CAVIN4: variants seen among roughly 807,000 people sequenced by gnomAD.
The protein encoded by CAVIN4 is caveolae-associated protein 4.
In CAVIN4, 10 loss-of-function variants were observed where a neutral mutation model predicts 18.6. The ratio of observed to expected loss-of-function variants is 0.54; its 90% CI spans 0.33 to 0.91. The LOEUF is 0.91. Among genes scored for constraint, CAVIN4 ranks in the 40% least tolerant of loss-of-function variants. CAVIN4 has a pLI of 0.02. For synonymous variants in CAVIN4, 173 were observed against 164.8 expected (o/e 1.05, Z -0.38); for missense variants, 459 against 440.5 (o/e 1.04, Z -0.38).
rs1047771259 is a variant in CAVIN4, at chr9:100,578,549, C to T, written c.406C>T (p.Gln136Ter). ...KKNKFRVVIF[Q>*]EKFRCPTSLS... is the part of the protein sequence containing the mutation. Reference sequence around the variant, plus strand: ...AAACAAATTCCGCGTGGTAATATTCCAGGTAAGCTTGCACTTGTGTTCAGC... The same window carrying T: ...AAACAAATTCCGCGTGGTAATATTCTAGGTAAGCTTGCACTTGTGTTCAGC... The change falls in exon 1 of 2, where the codon CAG becomes TAG. Residue 136 changes from glutamine to a stop codon, truncating the protein, a stop_gained and splice_region_variant. Transcript: ENST00000307584. LOFTEE classifies it high-confidence loss of function. 7 of 1,612,634 alleles carry T rather than the reference C, an allele frequency of 4.3e-6. No individual in the cohort carries two copies. The highest frequency in any genetic ancestry group is 1.3e-5 in the African/African-American group (1 of 74,890).
chr9:100,586,567 T>G lies in CAVIN4; in HGVS notation c.*116T>G. Reference sequence around the variant, plus strand: ...GAAAACATAAATGTATTTTTTTTCTTATATTTAAAATCTTGAAGATAATAT... The same window carrying G: ...GAAAACATAAATGTATTTTTTTTCTGATATTTAAAATCTTGAAGATAATAT... On this transcript the variant is annotated 3_prime_UTR_variant, in exon 2 of 2. Transcript: ENST00000307584. 1 of 688,918 alleles carries G rather than the reference T, an allele frequency of 1.5e-6. No homozygotes were observed. Among genetic ancestry groups the G allele is most frequent in the Non-Finnish European group, 2.3e-6 (1 of 439,046 alleles). The allele number at this position is 688,918 out of a possible 1,614,324, so 42.7% of individuals were successfully genotyped here.
chr9:100,578,639 C>A, intron 1 of CAVIN4, 88 bp downstream of exon 1: 2 of 1,244,164 alleles, frequency 1.6e-6, no homozygotes, highest in Non-Finnish European at 2.4e-6. Flanking sequence ...TCCAGTGTCA[C>A]ATCTTAACTA....
At chr9:100,583,681 G>C (rs1760290) in intron 1 of CAVIN4, among the ~76,000 whole-genome samples, 85,757 of 151,600 alleles carry the variant, frequency 0.57, 24,711 homozygotes, top group Admixed American at 0.63. Flanking sequence ...GAGTCTTGCT[G>C]TGTCACCCAG....
At chr9:100,582,607 A>G (rs1839439727) in intron 1 of CAVIN4, among the ~76,000 whole-genome samples, 1 of 152,166 alleles carries the variant, frequency 6.6e-6, no homozygotes, top group African/African-American at 2.4e-5. Context: ...TGTTGGGATT[A>G]TAGGCATGAG....
At chr9:100,577,846 G>A (rs1237803765), upstream of CAVIN4, among the ~76,000 whole-genome samples, 3 of 152,118 alleles carry the variant, frequency 2.0e-5, no homozygotes, top group African/African-American at 7.2e-5. Context: ...TTTAATATTA[G>A]TTACATGGTG....
chr9:100,583,447 A>C (rs1424155686), intron 1 of CAVIN4, among the ~76,000 whole-genome samples: 1 of 152,188 alleles, frequency 6.6e-6, no homozygotes, highest in Non-Finnish European at 1.5e-5. Context: ...GCTCCGAATC[A>C]GACTGCTTCT....
Position 100,578,563 on chromosome 9 carries a change from C to T in CAVIN4, c.408+12C>T, listed in dbSNP as rs1371726853. 3.7e-6 allele frequency: 6 copies of T among 1,612,310 alleles called. No homozygotes were observed. In the East Asian group the frequency reaches 8.9e-5, roughly 24 times the overall value. On this transcript the variant is annotated intron_variant, in intron 1 of 1. Transcript: ENST00000307584. ...TGGTAATATTCCAGGTAAGCTTGCA[C>T]TTGTGTTCAGCTTGCTTGTTCTAAT...
rs1389880526 is a variant in CAVIN4, at chr9:100,585,870, T to C, written c.514T>C (p.Ser172Pro). 26 of 1,614,182 alleles carry C rather than the reference T, an allele frequency of 1.6e-5. No individual in the cohort carries two copies. Among genetic ancestry groups the C allele is most frequent in the Non-Finnish European group, 2.1e-5 (25 of 1,180,014 alleles). Residue 172 changes from serine (S) to proline (P), a missense_variant, in exon 2 of 2, where the codon TCT becomes CCT. Coordinates refer to ENST00000307584, the MANE Select transcript of CAVIN4 (RefSeq NM_001018116.2). ...TATCTTTGATCCCCCAGTAGATCTGTCTTCGGATGAAGAATATTATGTTGA... is the reference window on the plus strand; with the variant it reads ...TATCTTTGATCCCCCAGTAGATCTGCCTTCGGATGAAGAATATTATGTTGA... ...DDIFDPPVDL[S>P]SDEEYYVEES...
intron 1 of CAVIN4, among the ~76,000 whole-genome samples, 180 bp from the exon 2 acceptor site, chr9:100,585,585 C>T (rs1839467199): frequency 6.6e-6 from 1 of 152,014 alleles, no homozygotes. Flanking sequence ...CCAGGGTAAG[C>T]CTGGGAGATG....
intron 1 of CAVIN4, among the ~76,000 whole-genome samples, chr9:100,583,892 G>A (rs939433598): frequency 6.6e-6 from 1 of 152,176 alleles, no homozygotes; most frequent in Non-Finnish European, 1.5e-5. Context: ...TGATCCCCCT[G>A]CCTCGGCCTT....
chr9:100,579,532 T>C (rs1436738115), intron 1 of CAVIN4, among the ~76,000 whole-genome samples: 2 of 152,234 alleles, frequency 1.3e-5, no homozygotes, highest in African/African-American at 2.4e-5. Flanking sequence ...GGTAGAAATA[T>C]TAATTGATAA....
intron 1 of CAVIN4, among the ~76,000 whole-genome samples, chr9:100,580,624 A>G (rs573630733): frequency 1.3e-5 from 2 of 152,224 alleles, no homozygotes; most frequent in Non-Finnish European, 2.9e-5. Flanking sequence ...ATGTTTCTGT[A>G]TTCACCTGTT....
chr9:100,582,837 C>A lies in CAVIN4; in HGVS notation c.409-2928C>A, dbSNP rs111429574. ...TTTAATAACATATTTGACAGCAAGA[C>A]CTAACTTGACCTGAAATTATTCAGT... On this transcript the variant is annotated intron_variant, in intron 1 of 1. Coordinates refer to ENST00000307584, the MANE Select transcript of CAVIN4 (RefSeq NM_001018116.2). Among the ~76,000 whole-genome samples, 735 of 152,190 alleles carry A rather than the reference C, an allele frequency of 4.8e-3. 5 individuals are homozygous for A. The highest frequency in any genetic ancestry group is 0.016 in the African/African-American group (681 of 41,518).
rs1465035705 is a variant in CAVIN4, at chr9:100,585,748, T to G, written c.409-17T>G. On this transcript the variant is annotated splice_polypyrimidine_tract_variant and intron_variant, in intron 1 of 1. Transcript: ENST00000307584. ...GCAAAGGAAGCACTAATATGCTTTG[T>G]TTTTTCTCTCCTTCAGGAGAAGTTT... 1.2e-6 allele frequency: 2 copies of G among 1,609,092 alleles called. No individual in the cohort carries two copies. The highest frequency in any genetic ancestry group is 1.7e-6 in the Non-Finnish European group (2 of 1,175,934).
Position 100,586,366 on chromosome 9 carries a change from C to T in CAVIN4, c.1010C>T (p.Pro337Leu). 6.2e-7 allele frequency: 1 copy of T among 1,614,038 alleles called. No individual in the cohort carries two copies. Among genetic ancestry groups the T allele is most frequent in the Non-Finnish European group, 8.5e-7 (1 of 1,180,020 alleles). ...CATGAAGGAAGGGAAATCCCCACCC[C>T]CGAGCCTTTAAAAGTTACTTTTAAA... ...PPHEGREIPT[P>L]EPLKVTFKSQ... is the part of the protein sequence containing the mutation. Residue 337 changes from proline to leucine, a missense_variant, in exon 2 of 2, where the codon CCC becomes CTC. Physicochemically the swap from Pro to Leu is moderately conservative, Grantham distance 98 (BLOSUM62 -3). Transcript: ENST00000307584.
chr9:100,581,435 T>G (rs916343059), intron 1 of CAVIN4: 1 of 152,208 alleles, frequency 6.6e-6, no homozygotes, highest in Non-Finnish European at 1.5e-5. Flanking sequence ...AAGCACAGTA[T>G]TCATTCTGTT....
At chr9:100,585,491 A>G (rs1839466445) in intron 1 of CAVIN4, among the ~76,000 whole-genome samples, 2 of 152,226 alleles carry the variant, frequency 1.3e-5, no homozygotes, top group Non-Finnish European at 2.9e-5. Flanking sequence ...ATGTGTCTTC[A>G]TCTTAGGAGA....
intron 1 of CAVIN4, among the ~76,000 whole-genome samples, chr9:100,584,407 G>A (rs1185569229): frequency 6.6e-6 from 1 of 152,206 alleles, no homozygotes; most frequent in Admixed American, 6.5e-5. Context: ...TTTGTTGAAG[G>A]AAGGTATACA....
intron 1 of CAVIN4, among the ~76,000 whole-genome samples, chr9:100,580,206 A>T (rs1206667238): frequency 6.6e-6 from 1 of 151,802 alleles, no homozygotes. Flanking sequence ...CTGAGGTGGG[A>T]GGGTCACCTG....
Sources: gnomAD v4.1 joint callset for allele counts (sites outside exome capture counted in the v4.1 genomes callset) on GRCh38, gnomAD v4.1.1 for gene constraint, MANE v1.5 for transcripts, NCBI Gene and HGNC (gene_info 2026-07-23, HGNC 2026-07-21) for gene names.